ATP8A2: variants seen among roughly 807,000 people sequenced by gnomAD.
The protein encoded by ATP8A2 is ATPase phospholipid transporting 8A2.
ATP8A2 carries 100 observed loss-of-function variants against 165.6 expected under a neutral mutation model. The ratio of observed to expected loss-of-function variants is 0.60; its 90% CI spans 0.51 to 0.71. The LOEUF is 0.71. ATP8A2 is among the 30% of genes least tolerant of loss of function. The pLI, the probability that ATP8A2 is intolerant of heterozygous loss-of-function variation, is 0.00. For missense variants in ATP8A2, 1,227 were observed against 1,479.5 expected (o/e 0.83, Z 2.80); for synonymous variants, 543 against 548.8 (o/e 0.99, Z 0.15).
intron 24 of ATP8A2, among the ~76,000 whole-genome samples, chr13:25,641,219 A>C (rs139617256): frequency 0.035 from 5,259 of 152,130 alleles, 156 homozygotes; most frequent in East Asian, 0.13. Context: ...CTCTCTCACC[A>C]CTCCTATTCA....
At chr13:25,740,061 G>A (rs1371598480) in intron 25 of ATP8A2, among the ~76,000 whole-genome samples, 1 of 152,192 alleles carries the variant, frequency 6.6e-6, no homozygotes, top group African/African-American at 2.4e-5. Flanking sequence ...TGTAATCCCA[G>A]CACTTTGGGA....
At chr13:25,726,506 A>G (rs61947332) in intron 25 of ATP8A2, among the ~76,000 whole-genome samples, 5,748 of 152,290 alleles carry the variant, frequency 0.038, 167 homozygotes, top group Middle Eastern at 0.095. Flanking sequence ...TTTAAAAATG[A>G]TAAATTCCTC....
intron 30 of ATP8A2, among the ~76,000 whole-genome samples, chr13:25,840,333 A>G (rs1951723263): frequency 2.0e-5 from 3 of 152,206 alleles, no homozygotes; most frequent in Non-Finnish European, 2.9e-5. Context: ...CCAAATGTTG[A>G]CTAGACAAGG....
intron 34 of ATP8A2, 118 bp downstream of exon 34, chr13:25,961,781 C>T (rs1593633128): frequency 1.3e-6 from 1 of 760,920 alleles, no homozygotes; most frequent in South Asian, 1.8e-5. Flanking sequence ...AAATGGGTCT[C>T]CTGCCACCTG....
At chr13:25,602,457 C>T (rs915467452) in intron 24 of ATP8A2, among the ~76,000 whole-genome samples, 2 of 152,188 alleles carry the variant, frequency 1.3e-5, no homozygotes, top group African/African-American at 4.8e-5. Context: ...GGAGCAGTCT[C>T]AATTTGCACC....
At chr13:25,972,346 G>T (rs1955935193) in intron 35 of ATP8A2, among the ~76,000 whole-genome samples, 1 of 152,158 alleles carries the variant, frequency 6.6e-6, no homozygotes, top group Non-Finnish European at 1.5e-5. Context: ...CTGTGGAATT[G>T]ATACTTTAAT....
intron 24 of ATP8A2, among the ~76,000 whole-genome samples, chr13:25,650,083 A>G (rs966161144): frequency 3.3e-5 from 5 of 152,180 alleles, no homozygotes; most frequent in African/African-American, 7.2e-5. Context: ...TTCCCTCTGT[A>G]GAAACCATGG....
chr13:25,488,697 C>G (rs2036426169), intron 2 of ATP8A2, among the ~76,000 whole-genome samples: 1 of 152,142 alleles, frequency 6.6e-6, no homozygotes, highest in African/African-American at 2.4e-5. Flanking sequence ...AGAGCCATAC[C>G]TGTCTCAAGA....
In ATP8A2 at chr13:25,862,404, G is replaced by A; in HGVS notation, c.3179G>A (p.Gly1060Glu). ...PTIPIAPDMR[G>E]QATMVLSSAH... The stretch of plus-strand genomic sequence containing the variant: ...ATTCCCATTGCTCCAGATATGAGAG[G>A]ACAGGTAAGTACTCCTGATTGGGAG... Residue 1060 changes from glycine to glutamate, a missense_variant, in exon 33 of 37, where the codon GGA (glycine) becomes GAA (glutamate). Gly to Glu is a moderately conservative substitution (Grantham distance 98). Around this residue, in one of 5 missense-constraint regions of ATP8A2, gnomAD observed 260 missense variants for 245.1 expected, o/e 1.06. Transcript: ENST00000381655. 6.2e-7 allele frequency: 1 copy of A among 1,611,242 alleles called. No individual in the cohort carries two copies.
chr13:25,685,194 T>TA (rs1168834942), intron 24 of ATP8A2, among the ~76,000 whole-genome samples: 1 of 152,186 alleles, frequency 6.6e-6, no homozygotes, highest in African/African-American at 2.4e-5. Flanking sequence ...CACACTCAGT[T>TA]ACTGAGCCCA....
At chr13:25,861,490 A>G (rs1952350660) in intron 32 of ATP8A2, among the ~76,000 whole-genome samples, 1 of 152,194 alleles carries the variant, frequency 6.6e-6, no homozygotes, top group Non-Finnish European at 1.5e-5. Flanking sequence ...CTAAAGCTTC[A>G]TGTGTGTCTC....
At chr13:25,645,312 C>T (rs1263934506) in intron 24 of ATP8A2, among the ~76,000 whole-genome samples, 2 of 152,138 alleles carry the variant, frequency 1.3e-5, no homozygotes, top group African/African-American at 4.8e-5. Context: ...AAGACTGGCC[C>T]CTGTGATTCA....
chr13:25,888,317 T>C (rs924710462), intron 33 of ATP8A2, among the ~76,000 whole-genome samples: 2 of 152,252 alleles, frequency 1.3e-5, no homozygotes, highest in Non-Finnish European at 2.9e-5. Context: ...TTAGTAGCAC[T>C]GCACTTGTCC....
At chr13:25,781,536 T>A (rs1217185802) in intron 27 of ATP8A2, among the ~76,000 whole-genome samples, 3 of 152,152 alleles carry the variant, frequency 2.0e-5, no homozygotes, top group African/African-American at 7.2e-5. Context: ...TCACCCAGGC[T>A]GGAATGCAGT....
chr13:25,603,373 C>T (rs568666538), intron 24 of ATP8A2, among the ~76,000 whole-genome samples: 3 of 151,202 alleles, frequency 2.0e-5, no homozygotes, highest in Non-Finnish European at 4.4e-5. Context: ...TGCCTGTAGT[C>T]TCAGCTACTT....
Position 25,559,639 on chromosome 13 carries a change from T to A in ATP8A2, c.1353-82T>A, listed in dbSNP as rs1050398943. ...AATCTGTAAGTTTGTATATCTAATC[T>A]AAGAATTAGATCAGTTTTGATCAGA... On this transcript the variant is annotated intron_variant, in intron 14 of 36. Coordinates refer to ENST00000381655, the MANE Select transcript of ATP8A2 (RefSeq NM_016529.6). The A allele has an allele frequency of 3.1e-5, 32 of 1,042,370 alleles. No homozygotes were observed. The South Asian group carries it at 4.0e-4, about 13-fold the overall frequency. 64.6% of individuals were successfully genotyped at this position (1,042,370 alleles called of 1,614,324 possible).
intron 1 of ATP8A2, among the ~76,000 whole-genome samples, chr13:25,398,866 T>C (rs891724329): frequency 5.3e-5 from 8 of 151,916 alleles, no homozygotes; most frequent in African/African-American, 1.9e-4. Flanking sequence ...GAGAAAAGGG[T>C]GCTGTCTGCC....
chr13:25,946,629 T>C (rs1220015957), intron 33 of ATP8A2, among the ~76,000 whole-genome samples: 1 of 152,228 alleles, frequency 6.6e-6, no homozygotes, highest in Non-Finnish European at 1.5e-5. Context: ...GGGCACACCC[T>C]GGGAGGCCCG....
intron 31 of ATP8A2, 27 bp downstream of exon 31, chr13:25,860,283 A>C: frequency 6.7e-7 from 1 of 1,484,140 alleles, no homozygotes; most frequent in Non-Finnish European, 9.4e-7. Flanking sequence ...TTATTAAGCC[A>C]TTCTTAAACA....
Sources: gnomAD v4.1 joint callset for allele counts (sites outside exome capture counted in the v4.1 genomes callset) on GRCh38, gnomAD v4.1.1 for gene constraint, gnomAD v4.1.1 regional missense constraint, MANE v1.5 for transcripts, NCBI Gene and HGNC (gene_info 2026-07-23, HGNC 2026-07-21) for gene names.